Variants in PRELID3B observed in about 807,000 individuals in gnomAD.
PRELID3B encodes the protein PRELI domain containing 3B, also known as PRELI domain containing protein 3B.
PRELID3B carries 15 observed loss-of-function variants against 24.0 expected under a neutral mutation model. The ratio of observed to expected loss-of-function variants is 0.63; its 90% CI spans 0.42 to 0.96. The LOEUF is 0.96. Ranked by LOEUF, PRELID3B falls within the 40% of genes least tolerant of loss-of-function variation. The probability of loss-of-function intolerance (pLI) is 0.00; values close to 1 mark genes in which losing one functional copy is unlikely to be tolerated. For synonymous variants in PRELID3B, 62 were observed against 76.0 expected (o/e 0.82, Z 0.96); for missense variants, 189 against 236.0 (o/e 0.80, Z 1.30).
At chr20:59,037,050 CA>C in intron 3 of PRELID3B, 140 bp downstream of exon 3, 1 of 684,512 alleles carries the variant, frequency 1.5e-6, no homozygotes, top group Middle Eastern at 4.0e-4. Context: ...AAGCAACATC[CA>C]GGGCCAAGTT....
rs2092101494 is a variant in PRELID3B, at chr20:59,040,247, C to A, written c.33-1613G>T. Among the ~76,000 whole-genome samples the A allele has an allele frequency of 6.6e-6, 1 of 152,212 alleles. No individual in the cohort carries two copies. Among genetic ancestry groups the A allele is most frequent in the African/African-American group, 2.4e-5 (1 of 41,444 alleles). On this transcript the variant is annotated intron_variant, in intron 1 of 5. Coordinates refer to ENST00000355937, the MANE Select transcript of PRELID3B (RefSeq NM_016045.3). The surrounding 1 kb of genome is among the most constrained non-coding windows in gnomAD (Gnocchi z 4.1). Reference sequence around the variant, plus strand: ...CCATAACCAGCTCAAACATTACAAACAATACTTATTATGATTAATCTTCCA... The same window carrying A: ...CCATAACCAGCTCAAACATTACAAAAAATACTTATTATGATTAATCTTCCA...
rs1474718453 is a variant in PRELID3B, at chr20:59,042,767, G to A, written c.-37C>T. On this transcript the variant is annotated 5_prime_UTR_variant, in exon 1 of 6. Coordinates refer to ENST00000355937, the MANE Select transcript of PRELID3B (RefSeq NM_016045.3). ...CCTGAGAGATGTCCGGGTAGCGCCA[G>A]GGGACAACGAGGCACAGAGGCTACA... The A allele has an allele frequency of 3.1e-6, 5 of 1,590,474 alleles. No homozygotes were observed. The highest frequency in any genetic ancestry group is 4.5e-5 in the East Asian group (2 of 43,990).
chr20:59,035,551 CAG>C (rs908332938), intron 5 of PRELID3B, among the ~76,000 whole-genome samples: 1 of 152,182 alleles, frequency 6.6e-6, no homozygotes, highest in Admixed American at 6.5e-5. Flanking sequence ...CCTTGAAAAA[CAG>C]AGCATTCCCT....
chr20:59,034,828 C>T lies in PRELID3B; in HGVS notation c.*179G>A. On this transcript the variant is annotated 3_prime_UTR_variant, in exon 6 of 6. Transcript: ENST00000355937. The stretch of plus-strand genomic sequence containing the variant: ...TCAAACAACATTAATTTCAGATGAT[C>T]CCTTTTATTTAGAGGCCCTGCATCT... 1 of 438,884 alleles carries T rather than the reference C, an allele frequency of 2.3e-6. No homozygotes were observed. Among genetic ancestry groups the T allele is most frequent in the Non-Finnish European group, 3.9e-6 (1 of 256,100 alleles). 27.2% of individuals were successfully genotyped at this position (438,884 alleles called of 1,614,324 possible).
intron 5 of PRELID3B, 55 bp from the exon 6 acceptor site, chr20:59,035,181 C>T (rs1398961963): frequency 2.0e-6 from 3 of 1,519,830 alleles, no homozygotes; most frequent in East Asian, 2.3e-5. Flanking sequence ...AGGCATATAT[C>T]GAACTAATGA....
chr20:59,037,121 G>A (rs367638247), intron 3 of PRELID3B, 70 bp downstream of exon 3: 22 of 1,150,252 alleles, frequency 1.9e-5, no homozygotes, highest in African/African-American at 1.4e-4. Context: ...TCACTTCTAC[G>A]GCAACTAGGA....
At chr20:59,039,768 C>T (rs117800962) in intron 1 of PRELID3B, among the ~76,000 whole-genome samples, 2,652 of 152,348 alleles carry the variant, frequency 0.017, 28 homozygotes, top group Non-Finnish European at 0.022. Context: ...AAAATCTCAA[C>T]TCCATTAATT....
In PRELID3B at chr20:59,042,742, C is replaced by T. The variant is rs199784546; in HGVS notation, c.-12G>A. 3 of 1,600,818 alleles carry T rather than the reference C, an allele frequency of 1.9e-6. No homozygotes were observed. Among genetic ancestry groups the T allele is most frequent in the Non-Finnish European group, 2.6e-6 (3 of 1,174,416 alleles). On this transcript the variant is annotated 5_prime_UTR_variant, in exon 1 of 6. Coordinates refer to ENST00000355937, the MANE Select transcript of PRELID3B (RefSeq NM_016045.3). ...GTCCAGATCTTCATGGTGCCGGCAC[C>T]CTGAGAGATGTCCGGGTAGCGCCAG...
Position 59,036,699 on chromosome 20 carries a change from T to C in PRELID3B, c.353A>G (p.Asp118Gly). ...AATATTTTTTACTCACTTTTCTGGA[T>C]CCTGAGGATGTGGTTTGTATATAAG... is the stretch of plus-strand genomic sequence containing the variant. ...ERLIYKPHPQ[D>G]PEKTVLTQEA... The change falls in exon 4 of 6, where the codon GAT becomes GGT. Residue 118 changes from aspartate to glycine, a missense_variant. Physicochemically the swap from Asp to Gly is moderately conservative, Grantham distance 94. Coordinates refer to ENST00000355937, the MANE Select transcript of PRELID3B (RefSeq NM_016045.3). 1 of 1,602,972 alleles carries C rather than the reference T, an allele frequency of 6.2e-7. No homozygotes were observed. Among genetic ancestry groups the C allele is most frequent in the Non-Finnish European group, 8.5e-7 (1 of 1,171,398 alleles).
chr20:59,042,285 A>AC (rs78913017), intron 1 of PRELID3B, among the ~76,000 whole-genome samples: 2 of 152,204 alleles, frequency 1.3e-5, no homozygotes, highest in East Asian at 3.8e-4. Context: ...TCTGGAGAAA[A>AC]CCAACACCTC....
chr20:59,042,661 C>T (rs1304222015), intron 1 of PRELID3B, 38 bp downstream of exon 1: 4 of 1,572,224 alleles, frequency 2.5e-6, no homozygotes, highest in Non-Finnish European at 3.4e-6. Context: ...GGCCGGCGTG[C>T]CTGCCCTCCA....
intron 2 of PRELID3B, 22 bp downstream of exon 2, chr20:59,038,444 C>A: frequency 6.2e-7 from 1 of 1,600,224 alleles, no homozygotes; most frequent in Non-Finnish European, 8.5e-7. Context: ...TCACATTTCT[C>A]CGGGAATAAA....
At position 59,036,706 on chromosome 20, in the gene PRELID3B, G is replaced by A. The variant is rs1480681093; in HGVS notation, c.346C>T (p.Pro116Ser). Residue 116 changes from proline to serine, a missense_variant, in exon 4 of 6, where the codon CCT becomes TCT. By Grantham distance (74) the Pro-to-Ser change is moderately conservative (BLOSUM62 -1). Transcript: ENST00000355937. ...TTTACTCACTTTTCTGGATCCTGAG[G>A]ATGTGGTTTGTATATAAGTCTCTCA... Reference protein sequence around the residue: ...VDERLIYKPHPQDPEKTVLTQ... With the variant: ...VDERLIYKPHSQDPEKTVLTQ... 7 of 1,601,866 alleles carry A rather than the reference G, an allele frequency of 4.4e-6. No homozygotes were observed. In the African/African-American group the frequency reaches 9.4e-5, roughly 22 times the overall value.
chr20:59,038,290 GTAA>G (rs1432456664), intron 2 of PRELID3B, 173 bp downstream of exon 2: 4 of 517,916 alleles, frequency 7.7e-6, no homozygotes, highest in Admixed American at 3.7e-5. Flanking sequence ...CATGAAGACT[GTAA>G]TAATATTTCC....
At position 59,038,447 on chromosome 20, in the gene PRELID3B, G is replaced by A. The variant is rs748417345; in HGVS notation, c.201+19C>T. 11 of 1,601,432 alleles carry A rather than the reference G, an allele frequency of 6.9e-6. No homozygotes were observed. Among genetic ancestry groups the A allele is most frequent in the African/African-American group, 2.7e-5 (2 of 74,494 alleles). On this transcript the variant is annotated intron_variant, in intron 2 of 5. Coordinates refer to ENST00000355937, the MANE Select transcript of PRELID3B (RefSeq NM_016045.3). ...TCTCTACAGCAGTCACATTTCTCCG[G>A]GAATAAAGACACACTTACAGACTTC...
chr20:59,035,450 T>C (rs2092065139), intron 5 of PRELID3B, among the ~76,000 whole-genome samples: 1 of 152,248 alleles, frequency 6.6e-6, no homozygotes. Flanking sequence ...CCCTTTTCTT[T>C]ACATTTTAAA....
chr20:59,038,724 C>G, intron 1 of PRELID3B, 90 bp from the exon 2 acceptor site: 3 of 1,426,264 alleles, frequency 2.1e-6, no homozygotes, highest in Non-Finnish European at 2.8e-6. Flanking sequence ...TCTATCAAAT[C>G]ATTCATTACA....
chr20:59,039,954 C>T (rs773636207), intron 1 of PRELID3B, among the ~76,000 whole-genome samples: 3 of 152,148 alleles, frequency 2.0e-5, no homozygotes, highest in African/African-American at 4.8e-5. Flanking sequence ...CCCGACAAAT[C>T]GAAGCATACA....
In PRELID3B at chr20:59,033,768, T is replaced by C. The variant is rs1417567451; in HGVS notation, c.*1239A>G. 1 of 152,220 alleles carries C rather than the reference T, an allele frequency of 6.6e-6. No individual in the cohort carries two copies. The highest frequency in any genetic ancestry group is 1.5e-5 in the Non-Finnish European group (1 of 68,036). The allele number at this position is 152,220 out of a possible 1,614,324, so 9.4% of individuals were successfully genotyped here. ...GCAAAAATAGTCTCTATGCAACAAT[T>C]GCAAATGTCAAAGCTATTATTTAGT... On this transcript the variant is annotated 3_prime_UTR_variant, in exon 6 of 6. Coordinates refer to ENST00000355937, the MANE Select transcript of PRELID3B (RefSeq NM_016045.3).
Sources: gnomAD v4.1 joint callset for allele counts (sites outside exome capture counted in the v4.1 genomes callset) on GRCh38, gnomAD v4.1.1 for gene constraint, Gnocchi (gnomAD v3.1) non-coding constraint, MANE v1.5 for transcripts, NCBI Gene and HGNC (gene_info 2026-07-23, HGNC 2026-07-21) for gene names.